Variants in IL17RE observed in about 807,000 individuals in gnomAD.
The protein encoded by IL17RE is interleukin 17 receptor E.
IL17RE carries 47 observed loss-of-function variants against 70.7 expected under a neutral mutation model. That is an observed-to-expected ratio of 0.67 (90% confidence interval 0.53 to 0.85). The LOEUF is 0.85. IL17RE is among the 40% of genes least tolerant of loss of function. The pLI, the probability that IL17RE is intolerant of heterozygous loss-of-function variation, is 0.00. For synonymous variants in IL17RE, 372 were observed against 381.2 expected, an observed-to-expected ratio of 0.98 and a Z score of 0.28; for missense variants, 850 against 893.9, an observed-to-expected ratio of 0.95 and a Z score of 0.63.
rs758343806 is a variant in IL17RE at position 9,911,187 on chromosome 3, G to A, written c.1026+13G>A. 1.9e-5 allele frequency: 31 copies of A among 1,614,062 alleles called. No individual in the cohort carries two copies. The highest frequency in any genetic ancestry group is 1.1e-5 in the South Asian group (1 of 91,092). On this transcript the variant is annotated intron_variant, in intron 10 of 15. Coordinates refer to ENST00000383814, the MANE Select transcript of IL17RE (RefSeq NM_153480.2). The stretch of plus-strand genomic sequence containing the variant: ...GCTCTGCTTCAAGGTACAACCATGG[G>A]TAAGAAAAGATGTGGTGTAGTGGGT...
rs777135351 is a variant in IL17RE, at chr3:9,914,698, G to T, written c.1368G>T (p.Gly456=). ...ACTCAGTCTCTTACAGACACCTGGG[G>T]CTCTTGATCCTGGCACTGCTGGCCC... ...LCPDVSYRHL[G]LLILALLALL... Residue 456 remains glycine (G), a synonymous_variant, in exon 15 of 16, where the codon GGG becomes GGT. Coordinates refer to ENST00000383814, the MANE Select transcript of IL17RE (RefSeq NM_153480.2). 1.9e-6 allele frequency: 3 copies of T among 1,614,044 alleles called. No individual in the cohort carries two copies. The highest frequency in any genetic ancestry group is 2.5e-6 in the Non-Finnish European group (3 of 1,180,030).
In IL17RE at chr3:9,915,628, G is replaced by A; in HGVS notation, c.1825G>A (p.Ala609Thr). ...GGGCGACATCCCCCCGCCGCTGCGC[G>A]CCCTGCCGCGCTACCGCCTGCTGCG... ...AKGDIPPPLRALPRYRLLRDL... is the reference protein window; with the variant it reads ...AKGDIPPPLRTLPRYRLLRDL... Residue 609 changes from alanine (A) to threonine (T), a missense_variant, in exon 16 of 16, where the codon GCC (alanine) becomes ACC (threonine). By Grantham distance (58) the Ala-to-Thr change is moderately conservative. Coordinates refer to ENST00000383814, the MANE Select transcript of IL17RE (RefSeq NM_153480.2). This position sits in a 1 kb window ranked among gnomAD's most constrained non-coding sequence, Gnocchi z 4.9. 1 of 1,413,112 alleles carries A rather than the reference G, an allele frequency of 7.1e-7. No homozygotes were observed. Among genetic ancestry groups the A allele is most frequent in the Non-Finnish European group, 9.2e-7 (1 of 1,088,474 alleles). 87.5% of individuals were successfully genotyped at this position (1,413,112 alleles called of 1,614,324 possible).
chr3:9,908,859 T>C (rs1422084086), intron 7 of IL17RE, among the ~76,000 whole-genome samples: 3 of 152,154 alleles, frequency 2.0e-5, no homozygotes, highest in Non-Finnish European at 4.4e-5. Context: ...CAGGTGGGCA[T>C]GTGGGCATTC....
In IL17RE at chr3:9,915,805, T is replaced by G; in HGVS notation, c.2002T>G (p.Ter668GlyextTer145). Reference protein sequence around the residue: ...REAARLADLG* With the variant: ...REAARLADLGG ...GGCCGCCCGACTTGCAGACCTAGGT[T>G]GAGCAGAGCTCCACCGCAGTCCCGG... Residue 668 changes from the stop codon to glycine, a stop_lost, in exon 16 of 16, where the codon TGA becomes GGA. Coordinates refer to ENST00000383814, the MANE Select transcript of IL17RE (RefSeq NM_153480.2). This position sits in a 1 kb window ranked among gnomAD's most constrained non-coding sequence, Gnocchi z 4.9. 1 of 1,524,328 alleles carries G rather than the reference T, an allele frequency of 6.6e-7. No individual in the cohort carries two copies. 94.4% of individuals were successfully genotyped at this position (1,524,328 alleles called of 1,614,324 possible).
chr3:9,903,061 C>T lies in IL17RE; in HGVS notation c.129C>T (p.His43=). 1.2e-6 allele frequency: 2 copies of T among 1,613,540 alleles called. No homozygotes were observed. Among genetic ancestry groups the T allele is most frequent in the Non-Finnish European group, 1.7e-6 (2 of 1,179,498 alleles). Residue 43 remains histidine (H), a synonymous_variant, in exon 1 of 16, where the codon CAC becomes CAT. Coordinates refer to ENST00000383814, the MANE Select transcript of IL17RE (RefSeq NM_153480.2). ...HWNTRCPLAS[H]TDDSFTGSSA... ...ACACCCGCTGTCCTCTGGCCTCCCA[C>T]ACGGTAAGGTGCTGCTGCCAGGTAG...
Position 9,915,171 on chromosome 3 carries a change from G to A in IL17RE, c.1448-80G>A, listed in dbSNP as rs1308845799. The A allele has an allele frequency of 1.2e-4, 163 of 1,341,052 alleles. No individual in the cohort carries two copies. Among genetic ancestry groups the A allele is most frequent in the Non-Finnish European group, 1.5e-4 (155 of 1,048,978 alleles). The allele number at this position is 1,341,052 out of a possible 1,614,324, so 83.1% of individuals were successfully genotyped here. ...GGGGGCGGAGAGGCGAGCACCCTACGGTATCCCGAGAGGGTGGGGAGAAGA... is the reference window on the plus strand; with the variant it reads ...GGGGGCGGAGAGGCGAGCACCCTACAGTATCCCGAGAGGGTGGGGAGAAGA... On this transcript the variant is annotated intron_variant, in intron 15 of 15. Transcript: ENST00000383814. The surrounding 1 kb of genome is among the most constrained non-coding windows in gnomAD (Gnocchi z 4.9).
At chr3:9,903,982 G>A in intron 2 of IL17RE, 50 bp from the exon 3 acceptor site, 1 of 1,604,884 alleles carries the variant, frequency 6.2e-7, no homozygotes, top group Non-Finnish European at 8.5e-7. Context: ...TTGGAGGTAG[G>A]AGGGACCTTC....
chr3:9,907,387 A>AAATT (rs1160828991), intron 6 of IL17RE, among the ~76,000 whole-genome samples: 18 of 150,392 alleles, frequency 1.2e-4, no homozygotes, highest in South Asian at 4.2e-4. Flanking sequence ...ATAAATAAAT[A>AAATT]AATTAATTAA....
chr3:9,909,732 G>A (rs1467704230), intron 8 of IL17RE: 3 of 159,882 alleles, frequency 1.9e-5, no homozygotes, highest in African/African-American at 7.2e-5. Flanking sequence ...CTGTATGCAT[G>A]TTGTTGTTCT....
chr3:9,908,186 G>C, intron 6 of IL17RE, 53 bp from the exon 7 acceptor site: 1 of 1,468,578 alleles, frequency 6.8e-7, no homozygotes, highest in Admixed American at 1.7e-5. Flanking sequence ...TTGTCTATGT[G>C]CCCATGCTCT....
In IL17RE at chr3:9,915,382, T is replaced by A; in HGVS notation, c.1579T>A (p.Trp527Arg). The A allele has an allele frequency of 7.3e-7, 1 of 1,365,988 alleles. No individual in the cohort carries two copies. Among genetic ancestry groups the A allele is most frequent in the Non-Finnish European group, 9.3e-7 (1 of 1,069,984 alleles). The allele number at this position is 1,365,988 out of a possible 1,614,324, so 84.6% of individuals were successfully genotyped here. The change falls in exon 16 of 16, where the codon TGG (tryptophan) becomes AGG (arginine). Residue 527 changes from tryptophan to arginine, a missense_variant. Coordinates refer to ENST00000383814, the MANE Select transcript of IL17RE (RefSeq NM_153480.2). The surrounding 1 kb of genome is among the most constrained non-coding windows in gnomAD (Gnocchi z 4.9). ...GGGRDVIVDL[W>R]EGRHVARVGP... ...CGGGCGCGACGTGATCGTGGACCTG[T>A]GGGAGGGGAGGCACGTGGCGCGCGT...
intron 6 of IL17RE, among the ~76,000 whole-genome samples, chr3:9,907,975 T>A (rs432815): frequency 0.55 from 83,417 of 151,610 alleles, 23,711 homozygotes; most frequent in African/African-American, 0.64. Flanking sequence ...TCTAGCACCC[T>A]CTACACTCCC....
In IL17RE at chr3:9,913,977, T is replaced by A. The variant is rs7647642; in HGVS notation, c.1249T>A (p.Ser417Thr). 1.3e-3 allele frequency: 2,134 copies of A among 1,614,102 alleles called. 27 individuals are homozygous for A. In the African/African-American group the frequency reaches 0.022, roughly 17 times the overall value. Reference sequence around the variant, plus strand: ...ACAGGCCCGGGGCTCAAGCCCAGTGTCACTAGACCTCATCATTCCCTTCCT... The same window carrying A: ...ACAGGCCCGGGGCTCAAGCCCAGTGACACTAGACCTCATCATTCCCTTCCT... ...VSQARGSSPV[S>T]LDLIIPFLRP... Residue 417 changes from serine (S) to threonine (T), a missense_variant, in exon 13 of 16, where the codon TCA becomes ACA. Ser to Thr is a moderately conservative substitution (Grantham distance 58). Coordinates refer to ENST00000383814, the MANE Select transcript of IL17RE (RefSeq NM_153480.2).
In IL17RE at chr3:9,915,253, C is replaced by G; in HGVS notation, c.1450C>G (p.Pro484Ala). Reference sequence around the variant, plus strand: ...CATCTGTTGCTTCCCGCCACCAGGCCCGGGCCCAGCGCGGCCAGTGCTCCT... The same window carrying G: ...CATCTGTTGCTTCCCGCCACCAGGCGCGGGCCCAGCGCGGCCAGTGCTCCT... ...ALTCRRPQSG[P>A]GPARPVLLLH... is the part of the protein sequence containing the mutation. Residue 484 changes from proline to alanine, a missense_variant and splice_region_variant, in exon 16 of 16, where the codon CCG becomes GCG. Physicochemically the swap from Pro to Ala is conservative, Grantham distance 27. Coordinates refer to ENST00000383814, the MANE Select transcript of IL17RE (RefSeq NM_153480.2). This position sits in a 1 kb window ranked among gnomAD's most constrained non-coding sequence, Gnocchi z 4.9. The G allele has an allele frequency of 7.2e-7, 1 of 1,390,684 alleles. No homozygotes were observed. The highest frequency in any genetic ancestry group is 9.3e-7 in the Non-Finnish European group (1 of 1,079,734). The allele number at this position is 1,390,684 out of a possible 1,614,324, so 86.1% of individuals were successfully genotyped here. A position where few individuals can be genotyped will look rare whatever the true frequency, so the allele number is the denominator to read the frequency against.
chr3:9,903,124 C>T, intron 1 of IL17RE, 60 bp downstream of exon 1: 1 of 1,425,892 alleles, frequency 7.0e-7, no homozygotes, highest in South Asian at 1.2e-5. Flanking sequence ...CTCCCCACTC[C>T]CCTGCCTGCC....
intron 6 of IL17RE, among the ~76,000 whole-genome samples, chr3:9,907,878 G>T (rs1352283684): frequency 6.6e-6 from 1 of 152,104 alleles, no homozygotes; most frequent in Non-Finnish European, 1.5e-5. Flanking sequence ...TTGAACCCCT[G>T]AGGCCCTCAG....
chr3:9,911,446 C>T lies in IL17RE; in HGVS notation c.1076C>T (p.Ser359Phe), dbSNP rs534818447. 23 of 1,614,132 alleles carry T rather than the reference C, an allele frequency of 1.4e-5. 1 individual carries two copies. The South Asian group carries it at 2.5e-4, about 18-fold the overall frequency. ...ACCCCCACCCCGCCCCAAACAGGGT[C>T]TCTCACATCCTGGAATGTAAGCATG... ...SHVECPHQTG[S>F]LTSWNVSMDT... is the part of the protein sequence containing the mutation. Residue 359 changes from serine (S) to phenylalanine (F), a missense_variant, in exon 12 of 16, where the codon TCT becomes TTT. Physicochemically the swap from Ser to Phe is radical, Grantham distance 155. Coordinates refer to ENST00000383814, the MANE Select transcript of IL17RE (RefSeq NM_153480.2).
chr3:9,904,054 C>T lies in IL17RE; in HGVS notation c.171C>T (p.Cys57=). 6.2e-7 allele frequency: 1 copy of T among 1,614,142 alleles called. No individual in the cohort carries two copies. Residue 57 remains cysteine, a synonymous_variant, in exon 3 of 16, where the codon TGC becomes TGT. Coordinates refer to ENST00000383814, the MANE Select transcript of IL17RE (RefSeq NM_153480.2). The part of the protein sequence containing the change: ...SFTGSSAYIP[C]RTWWALFSTK... ...CAGGAAGTTCTGCCTATATCCCTTG[C>T]CGCACCTGGTGGGCCCTCTTCTCCA...
rs781198068 is a variant in IL17RE at position 9,907,025 on chromosome 3, C to T, written c.591C>T (p.Gly197=). The change falls in exon 6 of 16, where the codon GGC becomes GGT. Residue 197 remains glycine, a synonymous_variant. Coordinates refer to ENST00000383814, the MANE Select transcript of IL17RE (RefSeq NM_153480.2). The part of the protein sequence containing the change: ...ARAIRVTISS[G]PEVSVRLCHQ... ...CTATTCGGGTGACCATATCTTCAGGCCCTGAGGTCAGCGTGCGTCTTTGTC... is the reference window on the plus strand; with the variant it reads ...CTATTCGGGTGACCATATCTTCAGGTCCTGAGGTCAGCGTGCGTCTTTGTC... The T allele has an allele frequency of 1.2e-6, 2 of 1,614,148 alleles. No homozygotes were observed. Among genetic ancestry groups the T allele is most frequent in the South Asian group, 2.2e-5 (2 of 91,076 alleles).
Sources: allele counts gnomAD v4.1 joint callset (sites outside exome capture counted in the v4.1 genomes callset), GRCh38; gene constraint gnomAD v4.1.1; non-coding constraint Gnocchi (gnomAD v3.1); transcripts MANE v1.5; gene names NCBI Gene and HGNC (gene_info 2026-07-23, HGNC 2026-07-21).